SLC24A1: variants seen among roughly 807,000 people sequenced by gnomAD.
SLC24A1 encodes solute carrier family 24 member 1.
In SLC24A1, 52 loss-of-function variants were observed where a neutral mutation model predicts 88.1. The ratio of observed to expected loss-of-function variants is 0.59; its 90% confidence interval spans 0.47 to 0.74. SLC24A1 has a LOEUF of 0.74. Ranked by LOEUF, SLC24A1 falls within the 30% of genes least tolerant of loss-of-function variation. The pLI is 0.00. For synonymous variants in SLC24A1, 455 were observed against 498.0 expected (o/e 0.91, Z 1.15); for missense variants, 1,173 against 1,363.3 (o/e 0.86, Z 2.20).
chr15:65,640,711 T>C (rs1483688041), intron 4 of SLC24A1, among the ~76,000 whole-genome samples: 2 of 152,274 alleles, frequency 1.3e-5, no homozygotes, highest in Admixed American at 6.5e-5. Flanking sequence ...CTCAGAATTT[T>C]CTTTAGGCTC....
rs769315436 is a variant in SLC24A1, at chr15:65,624,716, T to C, written c.636T>C (p.His212=). 1 of 1,611,344 alleles carries C rather than the reference T, an allele frequency of 6.2e-7. No individual in the cohort carries two copies. Among genetic ancestry groups the C allele is most frequent in the Non-Finnish European group, 8.5e-7 (1 of 1,178,556 alleles). The change falls in exon 2 of 10, where the codon CAT becomes CAC. Residue 212 remains histidine (H), a synonymous_variant. Transcript: ENST00000261892. Reference sequence around the variant, plus strand: ...CATTCATGACAATGGAAACAAGCCATGCGATCACCCCCAGGACAACAGTGA... The same window carrying C: ...CATTCATGACAATGGAAACAAGCCACGCGATCACCCCCAGGACAACAGTGA... The part of the protein sequence containing the change: ...PSTFMTMETS[H]AITPRTTVKD...
At chr15:65,652,344 G>T (rs1303100063) in intron 8 of SLC24A1, 1 of 322,462 alleles carries the variant, frequency 3.1e-6, no homozygotes, top group Non-Finnish European at 5.8e-6. Flanking sequence ...TTCTTGTGGG[G>T]AGGTAGGGGT....
intron 2 of SLC24A1, among the ~76,000 whole-genome samples, chr15:65,615,971 A>C (rs1366841779): frequency 6.7e-6 from 1 of 149,468 alleles, no homozygotes; most frequent in Non-Finnish European, 1.5e-5. Context: ...CGGTGAGAAC[A>C]TGCAGTGTTT....
intron 8 of SLC24A1, chr15:65,651,990 C>T: frequency 1.9e-6 from 1 of 524,028 alleles, no homozygotes; most frequent in Non-Finnish European, 3.6e-6. Flanking sequence ...TGGAATCCTG[C>T]CTGATTCCAG....
chr15:65,636,587 A>G (rs2074942705), intron 2 of SLC24A1, among the ~76,000 whole-genome samples: 2 of 152,050 alleles, frequency 1.3e-5, no homozygotes, highest in African/African-American at 4.8e-5. Flanking sequence ...GTCTAAAAAA[A>G]TAATAAGGCT....
intron 8 of SLC24A1, chr15:65,652,251 A>G (rs538104033): frequency 6.7e-5 from 19 of 285,154 alleles, no homozygotes; most frequent in African/African-American, 3.9e-4. Flanking sequence ...CTTCACCTCC[A>G]GCCTCTTAGT....
intron 2 of SLC24A1, among the ~76,000 whole-genome samples, chr15:65,632,024 G>T (rs561355461): frequency 5.3e-5 from 8 of 152,236 alleles, no homozygotes; most frequent in African/African-American, 1.9e-4. Flanking sequence ...TAGAGATGGG[G>T]TTTCACCATG....
At chr15:65,611,807 G>C (rs1268352813) in intron 1 of SLC24A1, 2 of 152,202 alleles carry the variant, frequency 1.3e-5, no homozygotes, top group Non-Finnish European at 2.9e-5. Flanking sequence ...AAATTAGCCG[G>C]GCATGGTAAC....
intron 2 of SLC24A1, among the ~76,000 whole-genome samples, chr15:65,637,830 T>TGTGATGAGGGTTTTGAGGTGG (rs1215015283): frequency 5.3e-5 from 8 of 151,922 alleles, no homozygotes; most frequent in African/African-American, 1.9e-4. Context: ...CGAGGGGCCC[T>TGTGATGAGGGTTTTGAGGTGG]GTGATGAGGG....
intron 2 of SLC24A1, among the ~76,000 whole-genome samples, chr15:65,637,632 G>A (rs925646539): frequency 2.6e-5 from 4 of 152,226 alleles, no homozygotes; most frequent in South Asian, 2.1e-4. Flanking sequence ...ACACAGTGGT[G>A]AATAAAACAG....
intron 3 of SLC24A1, 141 bp from the exon 4 acceptor site, chr15:65,639,454 G>A (rs2075047523): frequency 3.2e-6 from 2 of 615,840 alleles, no homozygotes; most frequent in East Asian, 5.5e-5. Flanking sequence ...GGTTGGAGGT[G>A]GAGGAAGAGG....
At chr15:65,616,765 A>C (rs975980301) in intron 2 of SLC24A1, among the ~76,000 whole-genome samples, 1 of 152,070 alleles carries the variant, frequency 6.6e-6, no homozygotes. Flanking sequence ...TTTTGTTGCC[A>C]TTGCTCTTGG....
Position 65,655,994 on chromosome 15 carries a change from TG to T in SLC24A1, c.*1916del. On this transcript the variant is annotated 3_prime_UTR_variant, in exon 10 of 10. Transcript: ENST00000261892. ...TAATTATCCTTATTCCTGATGCTAC[TG>T]CATTGCTGGGTTTCCATAGCCAAGG... The T allele has an allele frequency of 1.0e-6, 1 of 985,284 alleles. No individual in the cohort carries two copies. Among genetic ancestry groups the T allele is most frequent in the East Asian group, 1.1e-4 (1 of 8,826 alleles). The allele number at this position is 985,284 out of a possible 1,614,324, so 61.0% of individuals were successfully genotyped here.
In SLC24A1 at chr15:65,638,021, G is replaced by A. The variant is rs1024034320; in HGVS notation, c.1891-107G>A. On this transcript the variant is annotated intron_variant, in intron 2 of 9. Coordinates refer to ENST00000261892, the MANE Select transcript of SLC24A1 (RefSeq NM_004727.3). ...ACATTTTCTGAGACCAGGTTATCTC[G>A]GAGTGTGTTTCTGTATTTCAACCTG... 11 of 757,990 alleles carry A rather than the reference G, an allele frequency of 1.5e-5. No homozygotes were observed. The East Asian group carries it at 1.9e-4, about 13-fold the overall frequency. The allele number at this position is 757,990 out of a possible 1,614,324, so 47.0% of individuals were successfully genotyped here.
intron 3 of SLC24A1, 66 bp from the exon 4 acceptor site, chr15:65,639,529 A>G: frequency 1.0e-6 from 1 of 962,264 alleles, no homozygotes; most frequent in Non-Finnish European, 1.6e-6. Context: ...AAGGTTAGTG[A>G]TGCCCTCGTG....
intron 4 of SLC24A1, among the ~76,000 whole-genome samples, chr15:65,641,080 T>TA (rs919313409): frequency 2.0e-5 from 3 of 149,448 alleles, no homozygotes; most frequent in African/African-American, 7.4e-5. Flanking sequence ...AATAAATAAA[T>TA]AATTTTTAAA....
At chr15:65,647,508 C>G (rs62014374) in intron 6 of SLC24A1, among the ~76,000 whole-genome samples, 1 of 145,156 alleles carries the variant, frequency 6.9e-6, no homozygotes, top group African/African-American at 2.6e-5. Context: ...AAGAGAGAGA[C>G]AGAGAGAGAA....
At chr15:65,659,322 G>GTTTTTTTTTTT (rs869058369), downstream of SLC24A1, 1 of 71,604 alleles carries the variant, frequency 1.4e-5, no homozygotes, top group East Asian at 3.4e-4. Context: ...ATATTTTCTG[G>GTTTTTTTTTTT]TTTTTTTTTT....
upstream of SLC24A1, among the ~76,000 whole-genome samples, chr15:65,618,183 T>G (rs1325152147): frequency 1.3e-5 from 2 of 152,220 alleles, no homozygotes; most frequent in African/African-American, 2.4e-5. Flanking sequence ...AGTATAGACA[T>G]TCTTACATAT....
Sources: allele counts gnomAD v4.1 joint callset (sites outside exome capture counted in the v4.1 genomes callset), GRCh38; gene constraint gnomAD v4.1.1; transcripts MANE v1.5; gene names NCBI Gene and HGNC (gene_info 2026-07-23, HGNC 2026-07-21).